The following DNAJB4 variants were observed in gnomAD, a reference collection of about 807,000 sequenced individuals.
DNAJB4 encodes the protein dnaJ homolog subfamily B member 4.
A neutral mutation model predicts 26.6 loss-of-function variants in DNAJB4; 10 were observed. The ratio of observed to expected loss-of-function variants is 0.38; its 90% confidence interval spans 0.23 to 0.64. The LOEUF (loss-of-function observed/expected upper bound fraction) is 0.64, where lower values mean the gene tolerates loss of function less well. DNAJB4 is among the 30% of genes least tolerant of loss of function. The probability of loss-of-function intolerance (pLI) is 0.58; values close to 1 mark genes in which losing one functional copy is unlikely to be tolerated. For synonymous variants in DNAJB4, 136 were observed against 134.8 expected (o/e 1.01, Z -0.06); for missense variants, 328 against 408.2 (o/e 0.80, Z 1.69).
In DNAJB4 at chr1:78,013,031, A is replaced by T. The variant is rs765182091; in HGVS notation, c.212-20A>T. On this transcript the variant is annotated intron_variant, in intron 1 of 2. Transcript: ENST00000370763. ...AAGAGTTGCAAGCTTTTTTCTAATCATGCTTATCTCTTCAATTAGGGTTGA... is the reference window on the plus strand; with the variant it reads ...AAGAGTTGCAAGCTTTTTTCTAATCTTGCTTATCTCTTCAATTAGGGTTGA... 2.6e-6 allele frequency: 4 copies of T among 1,536,216 alleles called. No individual in the cohort carries two copies. Among genetic ancestry groups the T allele is most frequent in the Non-Finnish European group, 3.5e-6 (4 of 1,144,550 alleles).
intron 1 of DNAJB4, among the ~76,000 whole-genome samples, chr1:77,997,332 AATCTAT>A (rs1430823398): frequency 9.3e-4 from 139 of 149,744 alleles, no homozygotes; most frequent in African/African-American, 2.2e-3. Context: ...AAAAAAAAAA[AATCTAT>A]ATCTATATCT....
upstream of DNAJB4, among the ~76,000 whole-genome samples, chr1:78,000,772 A>C (rs558695251): frequency 1.4e-4 from 21 of 152,180 alleles, no homozygotes; most frequent in South Asian, 2.5e-3. Context: ...TCACGAGGTC[A>C]AGAGTTCAAG....
intron 1 of DNAJB4, among the ~76,000 whole-genome samples, chr1:77,992,516 C>G (rs558681876): frequency 6.6e-6 from 1 of 151,440 alleles, no homozygotes; most frequent in Non-Finnish European, 1.5e-5. Flanking sequence ...TGACCAGGAC[C>G]GATGAATTAG....
At chr1:77,996,976 A>G (rs1660077264) in intron 1 of DNAJB4, among the ~76,000 whole-genome samples, 1 of 152,192 alleles carries the variant, frequency 6.6e-6, no homozygotes, top group South Asian at 2.1e-4. Flanking sequence ...CGTGAGCCAC[A>G]GCGCCTGGCC....
At chr1:77,991,700 A>G (rs985571119) in intron 1 of DNAJB4, among the ~76,000 whole-genome samples, 3 of 152,110 alleles carry the variant, frequency 2.0e-5, no homozygotes, top group Non-Finnish European at 1.5e-5. Context: ...TTAGTGCCAC[A>G]TTTTTGTATT....
intron 1 of DNAJB4, among the ~76,000 whole-genome samples, chr1:77,989,253 G>T (rs373872738): frequency 2.0e-5 from 3 of 152,066 alleles, no homozygotes; most frequent in South Asian, 4.2e-4. Context: ...GTATCAAATC[G>T]TATCAAATTT....
At chr1:77,992,303 C>T (rs1659949256) in intron 1 of DNAJB4, among the ~76,000 whole-genome samples, 2 of 142,106 alleles carry the variant, frequency 1.4e-5, no homozygotes, top group East Asian at 2.2e-4. Context: ...GTCCCAGCTA[C>T]TTGGGAGGCT....
intron 1 of DNAJB4, among the ~76,000 whole-genome samples, chr1:77,984,656 G>C (rs1659750009): frequency 6.6e-6 from 1 of 152,164 alleles, no homozygotes; most frequent in African/African-American, 2.4e-5. Context: ...AAGAGGGCTT[G>C]TCAAGGACCG....
chr1:78,008,214 A>G (rs1458060262), intron 1 of DNAJB4, among the ~76,000 whole-genome samples: 2 of 152,180 alleles, frequency 1.3e-5, no homozygotes, highest in African/African-American at 2.4e-5. Flanking sequence ...AAAGAAAAAA[A>G]ATACGGATAA....
At chr1:77,992,626 T>G (rs1659960665) in intron 1 of DNAJB4, 1 of 152,232 alleles carries the variant, frequency 6.6e-6, no homozygotes, top group South Asian at 2.1e-4. Context: ...GCATCTCACC[T>G]CACACTTTAA....
At chr1:77,992,078 A>G (rs1482008263) in intron 1 of DNAJB4, among the ~76,000 whole-genome samples, 1 of 152,242 alleles carries the variant, frequency 6.6e-6, no homozygotes, top group Admixed American at 6.5e-5. Context: ...GAACATAACC[A>G]TGGCAAATGT....
At position 78,013,163 on chromosome 1, in the gene DNAJB4, T is replaced by C; in HGVS notation, c.324T>C (p.Phe108=). ...CATTTTTCGGAGGGTCCAACCCCTT[T>C]GAAATTTTCTTTGGAAGACGAATGG... is the stretch of plus-strand genomic sequence containing the variant. ...FAAFFGGSNP[F]EIFFGRRMGG... The change falls in exon 2 of 3, where the codon TTT becomes TTC. Residue 108 remains phenylalanine, a synonymous_variant. Transcript: ENST00000370763. The C allele has an allele frequency of 6.2e-7, 1 of 1,614,210 alleles. No individual in the cohort carries two copies. The highest frequency in any genetic ancestry group is 2.2e-5 in the East Asian group (1 of 44,870).
intron 1 of DNAJB4, chr1:77,992,656 T>G (rs1443036564): frequency 1.3e-5 from 2 of 152,190 alleles, no homozygotes; most frequent in African/African-American, 4.8e-5. Context: ...TATATTCCCT[T>G]TAGCAGTCAT....
intron 1 of DNAJB4, among the ~76,000 whole-genome samples, chr1:77,989,894 G>T (rs1450413065): frequency 2.0e-5 from 3 of 152,174 alleles, no homozygotes; most frequent in African/African-American, 7.2e-5. Flanking sequence ...TCAAAAACAG[G>T]ATGCAGTGCT....
intron 1 of DNAJB4, among the ~76,000 whole-genome samples, chr1:77,996,839 A>G (rs1249766360): frequency 3.3e-5 from 5 of 152,140 alleles, no homozygotes; most frequent in Non-Finnish European, 7.4e-5. Flanking sequence ...GTGCTCTTGG[A>G]GGCTTACAAA....
chr1:77,987,295 T>C (rs1410672807), intron 1 of DNAJB4, among the ~76,000 whole-genome samples: 1 of 152,190 alleles, frequency 6.6e-6, no homozygotes, highest in Non-Finnish European at 1.5e-5. Flanking sequence ...AGAGACAGGA[T>C]CTCTGTCGCC....
chr1:78,004,108 T>C (rs1660258983), upstream of DNAJB4, among the ~76,000 whole-genome samples: 1 of 152,206 alleles, frequency 6.6e-6, no homozygotes, highest in Non-Finnish European at 1.5e-5. Flanking sequence ...GTATGTACTG[T>C]CTGTAACCTG....
chr1:77,989,172 C>G (rs866838579), intron 1 of DNAJB4, among the ~76,000 whole-genome samples: 1 of 152,112 alleles, frequency 6.6e-6, no homozygotes, highest in African/African-American at 2.4e-5. Flanking sequence ...TATAAATTGT[C>G]GTCGTCTACT....
intron 1 of DNAJB4, among the ~76,000 whole-genome samples, chr1:77,987,208 A>G (rs1017401055): frequency 6.6e-6 from 1 of 152,156 alleles, no homozygotes; most frequent in Non-Finnish European, 1.5e-5. Flanking sequence ...CTTTTACCCT[A>G]TCTATGATTC....
Sources: gnomAD v4.1 joint callset for allele counts (sites outside exome capture counted in the v4.1 genomes callset) on GRCh38, gnomAD v4.1.1 for gene constraint, MANE v1.5 for transcripts, NCBI Gene and HGNC (gene_info 2026-07-23, HGNC 2026-07-21) for gene names.